The following SAMD12 variants were observed in gnomAD, a reference collection of about 807,000 sequenced individuals.
The protein encoded by SAMD12 is sterile alpha motif domain containing 12, also known as sterile alpha motif domain-containing protein 12.
A neutral mutation model predicts 15.0 loss-of-function variants in SAMD12; 9 were observed. The observed-to-expected ratio is 0.60, with a 90% CI of 0.36 to 1.05. SAMD12 has a LOEUF of 1.05. Ranked by LOEUF, SAMD12 falls within the 50% of genes least tolerant of loss-of-function variation. SAMD12 has a pLI of 0.01. For synonymous variants in SAMD12, 86 were observed against 90.1 expected, an observed-to-expected ratio of 0.96 and a Z score of 0.25; for missense variants, 230 against 234.2, an observed-to-expected ratio of 0.98 and a Z score of 0.12.
At chr8:118,332,665 C>T (rs562459002) in intron 4 of SAMD12, among the ~76,000 whole-genome samples, 3 of 152,326 alleles carry the variant, frequency 2.0e-5, no homozygotes, top group African/African-American at 7.2e-5. Context: ...TCTGCCACAG[C>T]GTCATCCCTT....
chr8:118,548,416 CACACA>C (rs753750752), intron 2 of SAMD12, among the ~76,000 whole-genome samples: 46 of 148,196 alleles, frequency 3.1e-4, no homozygotes, highest in Non-Finnish European at 5.2e-4. Context: ...CACACACACA[CACACA>C]CACCCCATGT....
chr8:118,350,615 T>C (rs562921014), intron 4 of SAMD12, among the ~76,000 whole-genome samples: 1 of 152,318 alleles, frequency 6.6e-6, no homozygotes, highest in South Asian at 2.1e-4. Context: ...TAAAGGTCTG[T>C]TTGACAACCA....
intron 4 of SAMD12, among the ~76,000 whole-genome samples, chr8:118,304,125 T>C (rs1286543423): frequency 6.6e-6 from 1 of 152,174 alleles, no homozygotes; most frequent in African/African-American, 2.4e-5. Context: ...AAGCTACCTA[T>C]TCCAAGTCTT....
intron 2 of SAMD12, among the ~76,000 whole-genome samples, chr8:118,491,676 T>C (rs2515021): frequency 0.45 from 69,094 of 151,946 alleles, 16,150 homozygotes; most frequent in East Asian, 0.63. Flanking sequence ...TGTTTTTGTA[T>C]ATCATATAAA....
intron 4 of SAMD12, among the ~76,000 whole-genome samples, chr8:118,320,376 T>G: frequency 6.6e-6 from 1 of 152,070 alleles, no homozygotes. Context: ...AGGGAAGGGA[T>G]CCTAATGTTT....
intron 2 of SAMD12, among the ~76,000 whole-genome samples, chr8:118,517,740 C>A (rs750862256): frequency 3.3e-4 from 50 of 152,262 alleles, no homozygotes; most frequent in South Asian, 1.7e-3. Context: ...ACAAGATCGA[C>A]CAGCATTTTT....
chr8:118,619,173 A>T (rs1432507798), intron 1 of SAMD12, among the ~76,000 whole-genome samples: 1 of 152,164 alleles, frequency 6.6e-6, no homozygotes, highest in Non-Finnish European at 1.5e-5. Context: ...AATGTCACCC[A>T]GCAGTAGAGG....
At chr8:118,208,442 A>T (rs1819928562) in intron 4 of SAMD12, among the ~76,000 whole-genome samples, 1 of 152,226 alleles carries the variant, frequency 6.6e-6, no homozygotes, top group African/African-American at 2.4e-5. Flanking sequence ...TAGTTCTACA[A>T]GTTGTCAGGT....
intron 2 of SAMD12, among the ~76,000 whole-genome samples, chr8:118,516,143 C>T (rs1422870348): frequency 6.6e-6 from 1 of 152,248 alleles, no homozygotes; most frequent in Non-Finnish European, 1.5e-5. Context: ...TAGCAACTCA[C>T]ATCTCCAGAG....
chr8:118,397,164 T>C (rs1586662261), intron 3 of SAMD12, among the ~76,000 whole-genome samples: 1 of 152,122 alleles, frequency 6.6e-6, no homozygotes, highest in African/African-American at 2.4e-5. Context: ...AGAAGTCTGG[T>C]TTGAGGTTTT....
At chr8:118,593,938 A>G (rs1827650915) in intron 1 of SAMD12, among the ~76,000 whole-genome samples, 1 of 152,164 alleles carries the variant, frequency 6.6e-6, no homozygotes, top group Non-Finnish European at 1.5e-5. Context: ...ACTTTCATAC[A>G]CATTCTAGAC....
At chr8:118,486,194 C>T (rs1217566285) in intron 2 of SAMD12, among the ~76,000 whole-genome samples, 1 of 152,188 alleles carries the variant, frequency 6.6e-6, no homozygotes, top group East Asian at 1.9e-4. Context: ...GCGGGCAGAT[C>T]ACGAGGTCAG....
At chr8:118,400,627 T>C (rs1267535034) in intron 3 of SAMD12, 1 of 152,236 alleles carries the variant, frequency 6.6e-6, no homozygotes, top group South Asian at 2.1e-4. Flanking sequence ...AGCTACATTT[T>C]TTTAACAATT....
At chr8:118,283,222 A>C (rs923467843) in intron 4 of SAMD12, among the ~76,000 whole-genome samples, 3 of 152,182 alleles carry the variant, frequency 2.0e-5, no homozygotes, top group African/African-American at 7.2e-5. Flanking sequence ...TTGTTTCTTG[A>C]CAAAACCAAA....
chr8:118,562,958 A>C (rs1008214779), intron 2 of SAMD12, among the ~76,000 whole-genome samples: 1 of 152,246 alleles, frequency 6.6e-6, no homozygotes, highest in Admixed American at 6.5e-5. Flanking sequence ...CATAAGAAAA[A>C]GGCTGCTGAC....
At chr8:118,289,837 G>A (rs746928351) in intron 4 of SAMD12, among the ~76,000 whole-genome samples, 2 of 152,160 alleles carry the variant, frequency 1.3e-5, no homozygotes, top group Non-Finnish European at 2.9e-5. Flanking sequence ...GTGCATTTGA[G>A]TTACCTGCCA....
At chr8:118,230,042 A>C (rs1812273774) in intron 4 of SAMD12, among the ~76,000 whole-genome samples, 2 of 151,944 alleles carry the variant, frequency 1.3e-5, no homozygotes, top group Non-Finnish European at 1.5e-5. Context: ...CCTGGAAGAG[A>C]GGTATTTTGT....
chr8:118,498,756 TAAAAGTATA>T (rs1381229253), intron 2 of SAMD12, among the ~76,000 whole-genome samples: 2 of 152,176 alleles, frequency 1.3e-5, no homozygotes, highest in African/African-American at 2.4e-5. Context: ...CACATTAAAA[TAAAAGTATA>T]TGTTTACTCA....
chr8:118,167,177 T>TC, the SAMD12 span, among the ~76,000 whole-genome samples: 50 of 151,712 alleles, frequency 3.3e-4, no homozygotes, highest in East Asian at 2.7e-3. Context: ...CACTTCTTAC[T>TC]CCCCCCAGCC....
Sources: allele counts gnomAD v4.1 joint callset (sites outside exome capture counted in the v4.1 genomes callset), GRCh38; gene constraint gnomAD v4.1.1; transcripts MANE v1.5; gene names NCBI Gene and HGNC (gene_info 2026-07-23, HGNC 2026-07-21).